BMAL1: variants seen among roughly 807,000 people sequenced by gnomAD.
BMAL1 encodes the protein basic helix-loop-helix ARNT-like protein 1.
At chr11:13,304,067 G>A in the BMAL1 span, among the ~76,000 whole-genome samples, 1 of 152,128 alleles carries the variant, frequency 6.6e-6, no homozygotes, top group Admixed American at 6.5e-5. Flanking sequence ...TGGGGTCACT[G>A]TAAGGATTTG....
chr11:13,331,402 G>C, the BMAL1 span, among the ~76,000 whole-genome samples: 1 of 152,242 alleles, frequency 6.6e-6, no homozygotes, highest in Admixed American at 6.5e-5. Context: ...TTAGTGGGAA[G>C]GTAAGTATGA....
the BMAL1 span, among the ~76,000 whole-genome samples, chr11:13,338,103 T>C: frequency 6.6e-6 from 1 of 152,198 alleles, no homozygotes; most frequent in Non-Finnish European, 1.5e-5. Flanking sequence ...GCTGTACGAC[T>C]CATGCCTGTT....
the BMAL1 span, among the ~76,000 whole-genome samples, chr11:13,281,634 A>G: frequency 6.6e-6 from 1 of 151,962 alleles, no homozygotes; most frequent in South Asian, 2.1e-4. Context: ...CTCAGCCTCC[A>G]GAGTAGCTGA....
the BMAL1 span, among the ~76,000 whole-genome samples, chr11:13,310,894 G>A: frequency 6.6e-6 from 1 of 152,206 alleles, no homozygotes; most frequent in Non-Finnish European, 1.5e-5. Context: ...AAGAGGCATG[G>A]GCCCCTTTTG....
the BMAL1 span, among the ~76,000 whole-genome samples, chr11:13,288,394 TTTTC>T: frequency 0.05 from 2,177 of 43,448 alleles, 269 homozygotes; most frequent in African/African-American, 0.11. Flanking sequence ...GGATTTTCTT[TTTTC>T]TTTCTTTCTT....
chr11:13,277,229 G>C, the BMAL1 span, among the ~76,000 whole-genome samples: 1 of 152,262 alleles, frequency 6.6e-6, no homozygotes, highest in African/African-American at 2.4e-5. Flanking sequence ...GGGAGAGAGG[G>C]AGTCAGGAAC....
chr11:13,340,010 T>C, the BMAL1 span, among the ~76,000 whole-genome samples: 2 of 152,322 alleles, frequency 1.3e-5, no homozygotes, highest in East Asian at 1.9e-4. Context: ...ATGCCAACAG[T>C]GTCTTCGTTA....
chr11:13,330,625 T>G, the BMAL1 span, among the ~76,000 whole-genome samples: 9 of 152,234 alleles, frequency 5.9e-5, no homozygotes, highest in Non-Finnish European at 8.8e-5. Flanking sequence ...GGCAAGTGGG[T>G]GCTGATCAGA....
At chr11:13,346,871 G>A in the BMAL1 span, among the ~76,000 whole-genome samples, 2 of 152,194 alleles carry the variant, frequency 1.3e-5, no homozygotes, top group African/African-American at 2.4e-5. Context: ...CAGGGCGGCC[G>A]TCAGAGCCCA....
the BMAL1 span, among the ~76,000 whole-genome samples, chr11:13,346,742 C>G: frequency 1.3e-5 from 2 of 152,188 alleles, no homozygotes; most frequent in African/African-American, 4.8e-5. Context: ...AGCATGCCTC[C>G]ATCTCACCTT....
chr11:13,329,016 T>C, the BMAL1 span, among the ~76,000 whole-genome samples: 19 of 152,216 alleles, frequency 1.2e-4, no homozygotes, highest in Non-Finnish European at 1.8e-4. Flanking sequence ...TCAGTTAATA[T>C]GAATTGAGTA....
chr11:13,358,482 T>A, the BMAL1 span: 5 of 1,612,954 alleles, frequency 3.1e-6, no homozygotes, highest in Non-Finnish European at 4.2e-6. Flanking sequence ...AAATGAACAG[T>A]TTTATAGATG....
the BMAL1 span, chr11:13,276,887 C>T: frequency 3.9e-5 from 6 of 152,262 alleles, no homozygotes; most frequent in Admixed American, 6.5e-5. Context: ...CCGTCTTGCT[C>T]CGTAGACAGC....
the BMAL1 span, among the ~76,000 whole-genome samples, chr11:13,336,063 G>A: frequency 6.6e-6 from 1 of 152,166 alleles, no homozygotes; most frequent in African/African-American, 2.4e-5. Flanking sequence ...AAAATCCTAA[G>A]ACAGACTTTA....
At chr11:13,328,421 G>C in the BMAL1 span, among the ~76,000 whole-genome samples, 5 of 152,140 alleles carry the variant, frequency 3.3e-5, no homozygotes, top group Admixed American at 2.6e-4. Context: ...TTCGACCTCA[G>C]ACTTGCTTAT....
the BMAL1 span, among the ~76,000 whole-genome samples, chr11:13,335,749 T>C: frequency 6.6e-6 from 1 of 152,238 alleles, no homozygotes; most frequent in Non-Finnish European, 1.5e-5. Context: ...TTGTTATGAA[T>C]AGGTGCAAGC....
chr11:13,300,632 C>G, the BMAL1 span, among the ~76,000 whole-genome samples: 1 of 152,114 alleles, frequency 6.6e-6, no homozygotes, highest in Admixed American at 6.5e-5. Flanking sequence ...GAAAACATAA[C>G]AAACAGTGAT....
At chr11:13,309,349 C>T in the BMAL1 span, among the ~76,000 whole-genome samples, 1 of 152,152 alleles carries the variant, frequency 6.6e-6, no homozygotes, top group African/African-American at 2.4e-5. Context: ...GGTGCAGGCC[C>T]AGCATCCTGG....
chr11:13,385,561 T>C, the BMAL1 span: 1 of 645,946 alleles, frequency 1.5e-6, no homozygotes, highest in Non-Finnish European at 2.7e-6. Flanking sequence ...AGTTCCTTGT[T>C]TGAAATCATC....
Sources: allele counts gnomAD v4.1 joint callset (sites outside exome capture counted in the v4.1 genomes callset), GRCh38; gene constraint gnomAD v4.1.1; transcripts MANE v1.5; gene names NCBI Gene and HGNC (gene_info 2026-07-23, HGNC 2026-07-21).